Variants in SLC22A23 observed in about 807,000 individuals in gnomAD.
The protein encoded by SLC22A23 is ion transporter protein.
Under a neutral mutation model 61.0 loss-of-function variants are expected in SLC22A23, and 26 were observed. That is an observed-to-expected ratio of 0.43 (90% CI 0.31 to 0.59). The LOEUF is 0.59. SLC22A23 is among the 20% of genes least tolerant of loss of function. SLC22A23 has a pLI of 0.11. For synonymous variants in SLC22A23, 430 were observed against 413.9 expected (o/e 1.04, Z -0.47); for missense variants, 796 against 934.7 (o/e 0.85, Z 1.94).
At chr6:3,340,164 G>A (rs1489181990) in intron 3 of SLC22A23, among the ~76,000 whole-genome samples, 5 of 152,164 alleles carry the variant, frequency 3.3e-5, no homozygotes, top group African/African-American at 1.2e-4. Flanking sequence ...GTAAGGGCAG[G>A]GGCTTTGAAA....
At chr6:3,415,953 C>T (rs983772424) in intron 1 of SLC22A23, 98 bp from the exon 2 acceptor site, 24 of 814,966 alleles carry the variant, frequency 2.9e-5, no homozygotes, top group African/African-American at 1.7e-4. Context: ...CAGGGACCAC[C>T]GCACCGTTGC....
intron 1 of SLC22A23, among the ~76,000 whole-genome samples, chr6:3,418,872 A>T (rs1439935665): frequency 6.6e-6 from 1 of 152,206 alleles, no homozygotes; most frequent in African/African-American, 2.4e-5. Context: ...GCGCTGGGGG[A>T]ACCCATGGCA....
intron 4 of SLC22A23, chr6:3,303,093 A>G (rs1217868694): frequency 1.3e-5 from 2 of 152,308 alleles, no homozygotes; most frequent in African/African-American, 4.8e-5. Flanking sequence ...GCCAACAAAC[A>G]TATATTAAAA....
At chr6:3,440,700 C>G (rs1231077598) in intron 1 of SLC22A23, among the ~76,000 whole-genome samples, 1 of 120,256 alleles carries the variant, frequency 8.3e-6, no homozygotes, top group Non-Finnish European at 1.7e-5. Flanking sequence ...GAGCAAGACT[C>G]CGTCTCAGAA....
At chr6:3,356,374 G>T (rs1470632862) in intron 3 of SLC22A23, among the ~76,000 whole-genome samples, 1 of 151,702 alleles carries the variant, frequency 6.6e-6, no homozygotes, top group African/African-American at 2.4e-5. Flanking sequence ...TGCCTACAAG[G>T]GTAACAGGCC....
intron 4 of SLC22A23, chr6:3,313,712 CT>C (rs1229516229): frequency 6.6e-6 from 1 of 152,196 alleles, no homozygotes; most frequent in Admixed American, 6.5e-5. Flanking sequence ...CTGATACCTG[CT>C]GGATTATGTA....
At chr6:3,325,891 G>C (rs1460024057) in intron 3 of SLC22A23, among the ~76,000 whole-genome samples, 1 of 152,250 alleles carries the variant, frequency 6.6e-6, no homozygotes, top group Non-Finnish European at 1.5e-5. Context: ...TGTGGAAACA[G>C]CATGATGGCG....
At chr6:3,314,906 T>A (rs919732285) in intron 4 of SLC22A23, among the ~76,000 whole-genome samples, 1 of 152,184 alleles carries the variant, frequency 6.6e-6, no homozygotes, top group African/African-American at 2.4e-5. Flanking sequence ...CTCTCCAGTG[T>A]TATGCAGTGC....
At chr6:3,379,902 T>A (rs1396327679) in intron 3 of SLC22A23, among the ~76,000 whole-genome samples, 1 of 152,160 alleles carries the variant, frequency 6.6e-6, no homozygotes, top group Non-Finnish European at 1.5e-5. Flanking sequence ...TTCCCCAGTA[T>A]CAGGGATCTT....
At chr6:3,449,333 T>C (rs997270722) in intron 1 of SLC22A23, among the ~76,000 whole-genome samples, 3 of 152,142 alleles carry the variant, frequency 2.0e-5, no homozygotes, top group Non-Finnish European at 4.4e-5. Flanking sequence ...AACCAAACCA[T>C]ACGTTTCTAC....
At chr6:3,326,110 C>G (rs1763265367) in intron 3 of SLC22A23, among the ~76,000 whole-genome samples, 1 of 152,238 alleles carries the variant, frequency 6.6e-6, no homozygotes, top group Non-Finnish European at 1.5e-5. Flanking sequence ...AGACCAGGTT[C>G]TAGGTTTGCG....
At chr6:3,395,414 A>G (rs142574008) in intron 3 of SLC22A23, among the ~76,000 whole-genome samples, 7 of 152,380 alleles carry the variant, frequency 4.6e-5, no homozygotes, top group Admixed American at 1.3e-4. Context: ...GTGCCCATCC[A>G]TCTTGTAAAG....
chr6:3,448,162 C>T (rs946624796), intron 1 of SLC22A23, among the ~76,000 whole-genome samples: 6 of 152,170 alleles, frequency 3.9e-5, no homozygotes, highest in Middle Eastern at 3.4e-3. Flanking sequence ...CTCGGCCTCC[C>T]GAAGTGCTGG....
At chr6:3,449,277 G>T (rs185244888) in intron 1 of SLC22A23, among the ~76,000 whole-genome samples, 1 of 152,204 alleles carries the variant, frequency 6.6e-6, no homozygotes, top group Admixed American at 6.5e-5. Flanking sequence ...AAGCCTTAAA[G>T]CTAACATAAG....
At position 3,297,110 on chromosome 6, in the gene SLC22A23, C is replaced by T. The variant is rs759455560; in HGVS notation, c.1210+981G>A. On this transcript the variant is annotated intron_variant, in intron 5 of 9. Transcript: ENST00000406686. This position sits in a 1 kb window ranked among gnomAD's most constrained non-coding sequence, Gnocchi z 4.3. ...ACGTGTAACTTCCCTGTCTGTGTGC[C>T]CCACCTGCCTGCAAGTTACGTGAGA... is the stretch of plus-strand genomic sequence containing the variant. Among the ~76,000 whole-genome samples, 7 of 152,202 alleles carry T rather than the reference C, an allele frequency of 4.6e-5. No individual in the cohort carries two copies. The highest frequency in any genetic ancestry group is 1.3e-4 in the Admixed American group (2 of 15,280).
chr6:3,323,088 C>A (rs1319621508), intron 4 of SLC22A23, among the ~76,000 whole-genome samples: 1 of 152,100 alleles, frequency 6.6e-6, no homozygotes, highest in Non-Finnish European at 1.5e-5. Flanking sequence ...CAGGTCAAAC[C>A]CCCTTTACCA....
intron 4 of SLC22A23, among the ~76,000 whole-genome samples, chr6:3,298,539 G>A (rs1017162126): frequency 1.3e-5 from 2 of 152,126 alleles, no homozygotes; most frequent in African/African-American, 2.4e-5. Flanking sequence ...AGGGTGGGGG[G>A]AAACTGGGGA....
At position 3,414,868 on chromosome 6, in the gene SLC22A23, C is replaced by T. The variant is rs935226444; in HGVS notation, c.758+884G>A. Among the ~76,000 whole-genome samples the T allele has an allele frequency of 3.3e-5, 5 of 152,168 alleles. No individual in the cohort carries two copies. The highest frequency in any genetic ancestry group is 4.8e-5 in the African/African-American group (2 of 41,436). ...CTGCCTCCCTGCTTAGACACCTCACCGCTGCTGCCCCTGTGACCACAGAAT... is the reference window on the plus strand; with the variant it reads ...CTGCCTCCCTGCTTAGACACCTCACTGCTGCTGCCCCTGTGACCACAGAAT... On this transcript the variant is annotated intron_variant, in intron 2 of 9. Coordinates refer to ENST00000406686, the MANE Select transcript of SLC22A23 (RefSeq NM_015482.2). The surrounding 1 kb of genome is among the most constrained non-coding windows in gnomAD (Gnocchi z 5.1).
rs752896789 is a variant in SLC22A23 at position 3,338,116 on chromosome 6, C to T, written c.914-14114G>A. ...CCATCAGTTTCCCCCATATATTTACCGTCCCACAATTTACTGCTCCTAGAA... is the reference window on the plus strand; with the variant it reads ...CCATCAGTTTCCCCCATATATTTACTGTCCCACAATTTACTGCTCCTAGAA... On this transcript the variant is annotated intron_variant, in intron 3 of 9. Coordinates refer to ENST00000406686, the MANE Select transcript of SLC22A23 (RefSeq NM_015482.2). Among the ~76,000 whole-genome samples, 13 of 152,304 alleles carry T rather than the reference C, an allele frequency of 8.5e-5. No individual in the cohort carries two copies. The East Asian group carries it at 1.9e-3, about 23-fold the overall frequency.
Sources: allele counts gnomAD v4.1 joint callset (sites outside exome capture counted in the v4.1 genomes callset), GRCh38; gene constraint gnomAD v4.1.1; non-coding constraint Gnocchi (gnomAD v3.1); transcripts MANE v1.5; gene names NCBI Gene and HGNC (gene_info 2026-07-23, HGNC 2026-07-21).